The following DHX57 variants were observed in gnomAD, a reference collection of about 807,000 sequenced individuals.
The protein encoded by DHX57 is putative ATP-dependent RNA helicase DHX57.
A neutral mutation model predicts 156.2 loss-of-function variants in DHX57; 105 were observed. That is an observed-to-expected ratio of 0.67 (90% CI 0.57 to 0.79). The LOEUF is 0.79. Among genes scored for constraint, DHX57 ranks in the 30% least tolerant of loss-of-function variants. DHX57 has a pLI of 0.00. For synonymous variants in DHX57, 704 were observed against 595.6 expected, an observed-to-expected ratio of 1.18 and a Z score of -2.65; for missense variants, 1,847 against 1,661.9, an observed-to-expected ratio of 1.11 and a Z score of -1.94.
intron 1 of DHX57, among the ~76,000 whole-genome samples, chr2:38,871,694 T>A (rs1239765158): frequency 4.6e-5 from 7 of 151,116 alleles, no homozygotes; most frequent in African/African-American, 1.7e-4. Flanking sequence ...CCAGACTTAT[T>A]TTATAATAAC....
At chr2:38,857,440 T>C (rs1370890565) in intron 6 of DHX57, among the ~76,000 whole-genome samples, 1 of 152,240 alleles carries the variant, frequency 6.6e-6, no homozygotes, top group Non-Finnish European at 1.5e-5. Context: ...AACTTGCTAT[T>C]TCCTACATAT....
At chr2:38,801,842 C>T (rs1669699826) in intron 23 of DHX57, among the ~76,000 whole-genome samples, 1 of 152,124 alleles carries the variant, frequency 6.6e-6, no homozygotes, top group Admixed American at 6.6e-5. Context: ...GGTGATCTGC[C>T]CACCTTGGCC....
intron 17 of DHX57, among the ~76,000 whole-genome samples, chr2:38,822,411 T>C (rs904154270): frequency 1.3e-5 from 2 of 151,658 alleles, no homozygotes; most frequent in Non-Finnish European, 2.9e-5. Context: ...GTTGTTTTTT[T>C]TTTTAGACGG....
intron 13 of DHX57, among the ~76,000 whole-genome samples, chr2:38,836,775 C>CAAAA (rs964200602): frequency 9.4e-5 from 4 of 42,424 alleles, no homozygotes; most frequent in African/African-American, 2.4e-4. Context: ...GACCCTGTCT[C>CAAAA]AAAAAAAAAA....
Position 38,861,599 on chromosome 2 carries a change from C to G in DHX57, c.811G>C (p.Val271Leu). ...EKFIERIQNR[V>L]WTIGLELEYL... ...TCCAGTTCTAACCCAATGGTCCAGACTCTGTTCTGAATTCTTTCTATAAAT... is the reference window on the plus strand; with the variant it reads ...TCCAGTTCTAACCCAATGGTCCAGAGTCTGTTCTGAATTCTTTCTATAAAT... Residue 271 changes from valine to leucine, a missense_variant, in exon 5 of 24, where the codon GTC (valine) becomes CTC (leucine). Coordinates refer to ENST00000457308, the MANE Select transcript of DHX57 (RefSeq NM_198963.3). 1.2e-6 allele frequency: 2 copies of G among 1,614,192 alleles called. No homozygotes were observed. Among genetic ancestry groups the G allele is most frequent in the Middle Eastern group, 1.6e-4 (1 of 6,062 alleles).
chr2:38,858,681 T>G lies in DHX57; in HGVS notation c.1567A>C (p.Lys523Gln), dbSNP rs1248537875. The G allele has an allele frequency of 6.2e-7, 1 of 1,613,584 alleles. No homozygotes were observed. ...CCTACCTGTTTCATTCGGAACTGCTTGCAGATTTTACCATTTTCAGCATGT... is the reference window on the plus strand; with the variant it reads ...CCTACCTGTTTCATTCGGAACTGCTGGCAGATTTTACCATTTTCAGCATGT... The part of the protein sequence containing the change: ...SVHAENGKIC[K>Q]QFRMKQASRQ... The change falls in exon 6 of 24, where the codon AAG becomes CAG. Residue 523 changes from lysine to glutamine, a missense_variant. Physicochemically the swap from Lys to Gln is moderately conservative, Grantham distance 53 (BLOSUM62 1). Coordinates refer to ENST00000457308, the MANE Select transcript of DHX57 (RefSeq NM_198963.3).
intron 23 of DHX57, among the ~76,000 whole-genome samples, 194 bp from the exon 24 acceptor site, chr2:38,798,636 A>G (rs112437651): frequency 7.2e-5 from 11 of 152,326 alleles, no homozygotes; most frequent in South Asian, 6.2e-4. Flanking sequence ...AAGTGCCTCT[A>G]TCACATCTCA....
rs1669869269 is a variant in DHX57 at position 38,804,892 on chromosome 2, C to G, written c.3816+1667G>C. ...GCCCCTCTCCTGTCACTCTCTGTCT[C>G]TCTATCCTGCTCTATTTTGCTTTAT... On this transcript the variant is annotated intron_variant, in intron 22 of 23. Transcript: ENST00000457308. Among the ~76,000 whole-genome samples, 3 of 152,178 alleles carry G rather than the reference C, an allele frequency of 2.0e-5. No homozygotes were observed. The South Asian group carries it at 6.2e-4, about 31-fold the overall frequency.
chr2:38,842,151 C>T (rs62142680), intron 12 of DHX57, among the ~76,000 whole-genome samples: 11,400 of 152,224 alleles, frequency 0.075, 617 homozygotes, highest in Non-Finnish European at 0.11. Context: ...AAATCAAGAT[C>T]GTTTTTGTGA....
chr2:38,855,414 G>A (rs1672847627), intron 7 of DHX57, 162 bp from the exon 8 acceptor site: 3 of 745,086 alleles, frequency 4.0e-6, no homozygotes, highest in African/African-American at 1.8e-5. Flanking sequence ...ACCAAGAGGT[G>A]GGAAATTCTA....
At chr2:38,853,966 G>C in intron 9 of DHX57, 88 bp downstream of exon 9, 1 of 1,323,266 alleles carries the variant, frequency 7.6e-7, no homozygotes, top group Non-Finnish European at 1.0e-6. Flanking sequence ...CTAGCTGCAT[G>C]AAACTGAATT....
rs1327785006 is a variant in DHX57 at position 38,862,289 on chromosome 2, C to G, written c.428G>C (p.Cys143Ser). The change falls in exon 4 of 24, where the codon TGT (cysteine) becomes TCT (serine). Residue 143 changes from cysteine (C) to serine (S), a missense_variant. By Grantham distance (112) the Cys-to-Ser change is moderately radical. Transcript: ENST00000457308. Reference protein sequence around the residue: ...GEEEDDEPDCCNDERYWPAGQ... With the variant: ...GEEEDDEPDCSNDERYWPAGQ... ...AGCTGGCCAGTACCGCTCATCGTTA[C>G]AGCAATCAGGCTCATCATCTTCCTC... 3 of 1,608,380 alleles carry G rather than the reference C, an allele frequency of 1.9e-6. No individual in the cohort carries two copies. The highest frequency in any genetic ancestry group is 2.6e-6 in the Non-Finnish European group (3 of 1,176,164).
chr2:38,834,188 G>A (rs547970939), intron 13 of DHX57, among the ~76,000 whole-genome samples: 8 of 152,032 alleles, frequency 5.3e-5, no homozygotes, highest in Admixed American at 2.6e-4. Context: ...AAAATTAGCC[G>A]GGTGTGGTGG....
intron 9 of DHX57, among the ~76,000 whole-genome samples, chr2:38,849,316 G>C (rs940414258): frequency 6.6e-6 from 1 of 152,222 alleles, no homozygotes; most frequent in Non-Finnish European, 1.5e-5. Context: ...GCCTGGAATA[G>C]TATGCACGGC....
Position 38,837,935 on chromosome 2 carries a change from G to C in DHX57, c.2438C>G (p.Ser813Ter). Residue 813 changes from serine (S) to a stop codon, truncating the protein, a stop_gained, in exon 13 of 24, where the codon TCA (serine) becomes TGA (stop). Transcript: ENST00000457308. LOFTEE classifies it high-confidence loss of function. Reference protein sequence around the residue: ...LLARYKGVSKSVIKTMSIMDF... With the variant: ...LLARYKGVSK Reference sequence around the variant, plus strand: ...CATGATGGACATTGTTTTGATGACTGACTTGCTAACCCCTGAAAGAAAGAA... The same window carrying C: ...CATGATGGACATTGTTTTGATGACTCACTTGCTAACCCCTGAAAGAAAGAA... 6.2e-7 allele frequency: 1 copy of C among 1,609,678 alleles called. No individual in the cohort carries two copies. The highest frequency in any genetic ancestry group is 1.3e-5 in the African/African-American group (1 of 74,944).
At chr2:38,857,311 T>C (rs1416362513) in intron 6 of DHX57, among the ~76,000 whole-genome samples, 1 of 152,190 alleles carries the variant, frequency 6.6e-6, no homozygotes, top group Non-Finnish European at 1.5e-5. Flanking sequence ...AAAGGGTTAT[T>C]TTTGGGCAGT....
rs1020821059 is a variant in DHX57 at position 38,856,541 on chromosome 2, G to T, written c.1588-80C>A. The T allele has an allele frequency of 8.9e-6, 13 of 1,467,898 alleles. 1 individual carries two copies. The highest frequency in any genetic ancestry group is 2.3e-5 in the Admixed American group (1 of 42,814). 90.9% of individuals were successfully genotyped at this position (1,467,898 alleles called of 1,614,324 possible). A position where few individuals can be genotyped will look rare whatever the true frequency, so the allele number is the denominator to read the frequency against. On this transcript the variant is annotated intron_variant, in intron 6 of 23. Transcript: ENST00000457308. ...TTTTTTTGAGACAGGGTCTCACTCT[G>T]TTGCCAGGCTGGAGTGCAGTGGTGC...
At chr2:38,820,012 C>G (rs3112142) in intron 17 of DHX57, among the ~76,000 whole-genome samples, 1 of 152,042 alleles carries the variant, frequency 6.6e-6, no homozygotes, top group South Asian at 2.1e-4. Flanking sequence ...TTCTCAGGCT[C>G]TAAAGGTATC....
At chr2:38,863,540 A>C in intron 2 of DHX57, 21 bp from the exon 3 acceptor site, 1 of 1,604,688 alleles carries the variant, frequency 6.2e-7, no homozygotes, top group Non-Finnish European at 8.5e-7. Context: ...CAAAAGAGCA[A>C]AATTACACAC....
Sources: gnomAD v4.1 joint callset for allele counts (sites outside exome capture counted in the v4.1 genomes callset) on GRCh38, gnomAD v4.1.1 for gene constraint, MANE v1.5 for transcripts, NCBI Gene and HGNC (gene_info 2026-07-23, HGNC 2026-07-21) for gene names.